The following RHCE variants were observed in gnomAD, a reference collection of about 807,000 sequenced individuals.
RHCE encodes the protein Rh blood group CcEe antigens, also known as blood group Rh(CE) polypeptide.
In RHCE, 22 loss-of-function variants were observed where a neutral mutation model predicts 43.8. The ratio of observed to expected loss-of-function variants is 0.50; its 90% CI spans 0.36 to 0.72. The LOEUF (loss-of-function observed/expected upper bound fraction) is 0.72, where lower values mean the gene tolerates loss of function less well. Among genes scored for constraint, RHCE ranks in the 30% least tolerant of loss-of-function variants. The pLI is 0.00. For synonymous variants in RHCE, 156 were observed against 210.7 expected (o/e 0.74, Z 2.25); for missense variants, 385 against 525.4 (o/e 0.73, Z 2.61).
At chr1:25,394,118 A>G (rs1208366210) in intron 3 of RHCE, among the ~76,000 whole-genome samples, 1 of 151,890 alleles carries the variant, frequency 6.6e-6, no homozygotes, top group East Asian at 1.9e-4. Context: ...CCTCCCATGT[A>G]GCTGGGATTA....
chr1:25,386,292 C>A lies in RHCE; in HGVS notation c.940-448G>T, dbSNP rs369748764. On this transcript the variant is annotated intron_variant, in intron 6 of 9. Coordinates refer to ENST00000294413, the MANE Select transcript of RHCE (RefSeq NM_020485.8). ...AACCAAGAACGCCTCCAGACATTGT[C>A]AGATGTCCCCTGGGGGGTGACCAAG... 8.5e-5 allele frequency among the ~76,000 whole-genome samples: 13 copies of A among 152,328 alleles called. No homozygotes were observed. The East Asian group carries it at 9.6e-4, about 11-fold the overall frequency.
chr1:25,414,361 C>G (rs896433120), intron 1 of RHCE, among the ~76,000 whole-genome samples: 33 of 152,122 alleles, frequency 2.2e-4, no homozygotes, highest in Non-Finnish European at 3.8e-4. Context: ...GCAGAACCAG[C>G]TTCACTCCCC....
At position 25,420,556 on chromosome 1, in the gene RHCE, C is replaced by G. The variant is rs1194204710; in HGVS notation, c.148+83G>C. 4 of 1,612,900 alleles carry G rather than the reference C, an allele frequency of 2.5e-6. No homozygotes were observed. The Admixed American group carries it at 6.7e-5, about 27-fold the overall frequency. On this transcript the variant is annotated intron_variant, in intron 1 of 9. Transcript: ENST00000294413. ...CTCGGGATTTTGTAGAAAGGAACAT[C>G]TGTGCCCCTGGAGAACCATAGGCCT...
At chr1:25,385,015 A>G (rs1646108049) in intron 7 of RHCE, among the ~76,000 whole-genome samples, 4 of 152,182 alleles carry the variant, frequency 2.6e-5, no homozygotes, top group Admixed American at 2.6e-4. Context: ...TGCCCAATTC[A>G]CTTTTTCATT....
At chr1:25,386,794 C>A (rs1427496175) in intron 6 of RHCE, among the ~76,000 whole-genome samples, 1 of 151,648 alleles carries the variant, frequency 6.6e-6, no homozygotes, top group Non-Finnish European at 1.5e-5. Flanking sequence ...TGCACTCCAG[C>A]CTGGGCAAAA....
chr1:25,429,663 T>C (rs551919650), intron 1 of RHCE, among the ~76,000 whole-genome samples: 1 of 152,296 alleles, frequency 6.6e-6, no homozygotes, highest in East Asian at 1.9e-4. Flanking sequence ...ACTATTCTAT[T>C]TAATAGCAAT....
At chr1:25,427,424 C>CTCTG (rs1413656366) in intron 2 of RHCE, among the ~76,000 whole-genome samples, 1 of 152,230 alleles carries the variant, frequency 6.6e-6, no homozygotes, top group Non-Finnish European at 1.5e-5. Context: ...CACTGCTGAT[C>CTCTG]TCTGCTTCCT....
At chr1:25,421,906 G>A (rs1031034400), upstream of RHCE, among the ~76,000 whole-genome samples, 1 of 152,222 alleles carries the variant, frequency 6.6e-6, no homozygotes, top group Non-Finnish European at 1.5e-5. Context: ...AGGGCCAGGA[G>A]CTACAGGGAA....
chr1:25,427,204 C>CA lies in RHCE; in HGVS notation c.-40+1748dup, dbSNP rs560807820. Among the ~76,000 whole-genome samples the CA allele has an allele frequency of 3.0e-3, 460 of 152,214 alleles. 3 individuals carry two copies. The highest frequency in any genetic ancestry group is 2.5e-3 in the Non-Finnish European group (172 of 68,012). On this transcript the variant is annotated intron_variant, in intron 2 of 11. Transcript: ENST00000349320. ...GGCTTGCGGGGATTGAACGGGCTGA[C>CA]AGAGGTGGGAATACCATTTCCTTAT...
rs1431868859 is a variant in RHCE at position 25,420,631 on chromosome 1, A to C, written c.148+8T>G. Reference sequence around the variant, plus strand: ...GCTCCTGTGACCACTGTTCCAATGAACTCTCACCTTGATAGGATGCCACGA... The same window carrying C: ...GCTCCTGTGACCACTGTTCCAATGACCTCTCACCTTGATAGGATGCCACGA... On this transcript the variant is annotated splice_region_variant and intron_variant, in intron 1 of 9. Transcript: ENST00000294413. 2 of 1,613,582 alleles carry C rather than the reference A, an allele frequency of 1.2e-6. No homozygotes were observed. Among genetic ancestry groups the C allele is most frequent in the Admixed American group, 3.3e-5 (2 of 59,968 alleles).
intron 1 of RHCE, among the ~76,000 whole-genome samples, chr1:25,410,493 G>A (rs187734008): frequency 1.2e-3 from 187 of 151,758 alleles, no homozygotes; most frequent in Non-Finnish European, 2.3e-3. Flanking sequence ...GCAGTGGTGC[G>A]ATCTCGGTTT....
At chr1:25,388,843 A>G (rs905775132) in intron 6 of RHCE, 133 bp downstream of exon 6, 2 of 1,437,178 alleles carry the variant, frequency 1.4e-6, no homozygotes, top group Non-Finnish European at 1.9e-6. Context: ...ATCCCTCGCT[A>G]GGCGTTGAAG....
At chr1:25,404,386 C>A (rs1236086925) in intron 2 of RHCE, among the ~76,000 whole-genome samples, 49 of 143,458 alleles carry the variant, frequency 3.4e-4, no homozygotes, top group Non-Finnish European at 4.7e-4. Flanking sequence ...TTGCTGCAGA[C>A]TATGCCCGCT....
At chr1:25,402,798 C>CTAAT in intron 2 of RHCE, 52 bp from the exon 3 acceptor site, 4 of 1,596,024 alleles carry the variant, frequency 2.5e-6, no homozygotes, top group Non-Finnish European at 3.4e-6. Context: ...ATGCCTCTCA[C>CTAAT]TCATTCATTC....
At chr1:25,399,423 G>A (rs187405890) in intron 3 of RHCE, among the ~76,000 whole-genome samples, 6 of 152,232 alleles carry the variant, frequency 3.9e-5, no homozygotes, top group Admixed American at 2.0e-4. Context: ...GTGAGTTAAT[G>A]GGGTTGCCTC....
rs79321360 is a variant in RHCE, at chr1:25,385,843, A to G, written c.941T>C (p.Val314Ala). The change falls in exon 7 of 10, where the codon GTG becomes GCG. Residue 314 changes from valine (V) to alanine (A), a missense_variant and splice_region_variant. Val to Ala is a moderately conservative substitution (Grantham distance 64). Coordinates refer to ENST00000294413, the MANE Select transcript of RHCE (RefSeq NM_020485.8). ...AATCCCCAGCACTCGGTTACAACAC[A>G]CCTGTGGACAAGTGTTATTATAAGC... Reference protein sequence around the residue: ...ISIGGAKCLPVCCNRVLGIHH... With the variant: ...ISIGGAKCLPACCNRVLGIHH... The G allele has an allele frequency of 1.1e-3, 1,782 of 1,613,948 alleles. 20 individuals carry two copies. In the African/African-American group the frequency reaches 0.02, roughly 18 times the overall value.
At chr1:25,368,917 C>G (rs1290802927) in intron 9 of RHCE, among the ~76,000 whole-genome samples, 1 of 151,890 alleles carries the variant, frequency 6.6e-6, no homozygotes, top group Admixed American at 6.5e-5. Flanking sequence ...GCTGCCACCA[C>G]GCCTGGCTAA....
intron 7 of RHCE, among the ~76,000 whole-genome samples, chr1:25,382,747 C>A (rs1208203469): frequency 6.6e-6 from 1 of 152,102 alleles, no homozygotes; most frequent in Admixed American, 6.5e-5. Flanking sequence ...GAATGAGTGG[C>A]TCTTGGGATT....
chr1:25,388,832 G>C, intron 6 of RHCE, 144 bp downstream of exon 6: 1 of 1,364,590 alleles, frequency 7.3e-7, no homozygotes, highest in South Asian at 1.2e-5. Context: ...AGCCAGGATG[G>C]ATCCCTCGCT....
Sources: gnomAD v4.1 joint callset for allele counts (sites outside exome capture counted in the v4.1 genomes callset) on GRCh38, gnomAD v4.1.1 for gene constraint, MANE v1.5 for transcripts, NCBI Gene and HGNC (gene_info 2026-07-23, HGNC 2026-07-21) for gene names.